The following EPB42 variants were observed in gnomAD, a reference collection of about 807,000 sequenced individuals.
The protein encoded by EPB42 is protein 4.2.
A neutral mutation model predicts 76.9 loss-of-function variants in EPB42; 49 were observed. The ratio of observed to expected loss-of-function variants is 0.64; its 90% confidence interval spans 0.51 to 0.81. The LOEUF (loss-of-function observed/expected upper bound fraction) is 0.81, where lower values mean the gene tolerates loss of function less well. Among genes scored for constraint, EPB42 ranks in the 30% least tolerant of loss-of-function variants. EPB42 has a pLI of 0.00. For missense variants in EPB42, 731 were observed against 867.6 expected (o/e 0.84, Z 1.98); for synonymous variants, 310 against 338.4 (o/e 0.92, Z 0.92).
chr15:43,220,650 C>T (rs1370468422), intron 1 of EPB42, 166 bp downstream of exon 1: 2 of 263,236 alleles, frequency 7.6e-6, no homozygotes, highest in South Asian at 5.6e-5. Context: ...ACCTACCACA[C>T]CCCCCCCCCA....
chr15:43,218,427 C>G (rs940142342), intron 1 of EPB42, among the ~76,000 whole-genome samples: 1 of 152,226 alleles, frequency 6.6e-6, no homozygotes, highest in African/African-American at 2.4e-5. Flanking sequence ...AGGCACCCAC[C>G]TCTGTAGCCT....
At position 43,207,229 on chromosome 15, in the gene EPB42, C is replaced by T. The variant is rs374417752; in HGVS notation, c.1288G>A (p.Asp430Asn). 155 of 1,614,062 alleles carry T rather than the reference C, an allele frequency of 9.6e-5. No homozygotes were observed. Among genetic ancestry groups the T allele is most frequent in the Non-Finnish European group, 1.2e-4 (136 of 1,180,042 alleles). Reference protein sequence around the residue: ...TKGVGSDRCEDITQNYKYPEG... With the variant: ...TKGVGSDRCENITQNYKYPEG... The stretch of plus-strand genomic sequence containing the variant: ...GGATACTTGTAGTTCTGAGTGATGT[C>T]CTCGCAGCGGTCACTGCCCACACCC... Residue 430 changes from aspartate (D) to asparagine (N), a missense_variant, in exon 9 of 13, where the codon GAC (aspartate) becomes AAC (asparagine). Transcript: ENST00000441366.
At chr15:43,211,569 G>A in intron 3 of EPB42, 35 bp from the exon 4 acceptor site, 1 of 1,398,738 alleles carries the variant, frequency 7.1e-7, no homozygotes, top group Non-Finnish European at 1.0e-6. Flanking sequence ...GGGCCTGTGG[G>A]GGTCCTAGGT....
intron 1 of EPB42, among the ~76,000 whole-genome samples, chr15:43,219,235 G>A (rs2042422875): frequency 1.3e-5 from 2 of 152,188 alleles, no homozygotes; most frequent in Non-Finnish European, 2.9e-5. Flanking sequence ...CCAGCACAGA[G>A]ATACAGGAGA....
intron 2 of EPB42, 137 bp from the exon 3 acceptor site, chr15:43,215,465 G>A: frequency 1.1e-6 from 1 of 876,106 alleles, no homozygotes; most frequent in South Asian, 1.4e-5. Flanking sequence ...CTAGAAATGA[G>A]GCCCATCAAG....
rs552637754 is a variant in EPB42 at position 43,203,263 on chromosome 15, G to T, written c.1631C>A (p.Thr544Asn). The T allele has an allele frequency of 4.3e-6, 7 of 1,614,162 alleles. No individual in the cohort carries two copies. The highest frequency in any genetic ancestry group is 5.9e-6 in the Non-Finnish European group (7 of 1,180,034). ...AAAATTGGAGAAGAACAGGCCGATG[G>T]TTATTATCTTTTCTGAAACACATGA... ...TLSANLEKII[T>N]IGLFFSNFER... The change falls in exon 11 of 13, where the codon ACC becomes AAC. Residue 544 changes from threonine to asparagine, a missense_variant. Transcript: ENST00000441366.
intron 11 of EPB42, among the ~76,000 whole-genome samples, chr15:43,202,357 A>T (rs1309438410): frequency 6.6e-6 from 1 of 151,348 alleles, no homozygotes; most frequent in Non-Finnish European, 1.5e-5. Context: ...TCCCCAGCAC[A>T]CGCCTCACGC....
At position 43,211,434 on chromosome 15, in the gene EPB42, C is replaced by A; in HGVS notation, c.531G>T (p.Glu177Asp). 6.2e-7 allele frequency: 1 copy of A among 1,612,758 alleles called. No individual in the cohort carries two copies. Among genetic ancestry groups the A allele is most frequent in the African/African-American group, 1.3e-5 (1 of 75,036 alleles). The change falls in exon 4 of 13, where the codon GAG (glutamate) becomes GAT (aspartate). Residue 177 changes from glutamate to aspartate, a missense_variant. Transcript: ENST00000441366. The part of the protein sequence containing the change: ...YLGTADCIQA[E>D]SWDFGQFEGD... Reference sequence around the variant, plus strand: ...CTGGTACCTGGCCAAAGTCCCAGGACTCTGCCTGGATGCAGTCAGCTGTAC... The same window carrying A: ...CTGGTACCTGGCCAAAGTCCCAGGAATCTGCCTGGATGCAGTCAGCTGTAC...
At position 43,211,425 on chromosome 15, in the gene EPB42, G is replaced by A. The variant is rs757340263; in HGVS notation, c.540C>T (p.Asp180=). 1 of 1,610,612 alleles carries A rather than the reference G, an allele frequency of 6.2e-7. No homozygotes were observed. The highest frequency in any genetic ancestry group is 2.2e-5 in the East Asian group (1 of 44,858). ...TAGAGGGCCCTGGTACCTGGCCAAAGTCCCAGGACTCTGCCTGGATGCAGT... is the reference window on the plus strand; with the variant it reads ...TAGAGGGCCCTGGTACCTGGCCAAAATCCCAGGACTCTGCCTGGATGCAGT... ...TADCIQAESW[D]FGQFEGDVID... is the part of the protein sequence containing the mutation. The change falls in exon 4 of 13, where the codon GAC becomes GAT. Residue 180 remains aspartate, a synonymous_variant. Coordinates refer to ENST00000441366, the MANE Select transcript of EPB42 (RefSeq NM_001114134.2).
At chr15:43,224,608 G>A (rs2042491278), upstream of EPB42, among the ~76,000 whole-genome samples, 1 of 151,974 alleles carries the variant, frequency 6.6e-6, no homozygotes, top group East Asian at 1.9e-4. Flanking sequence ...GTATATTCAA[G>A]GCATTGATAT....
At chr15:43,214,807 C>T (rs1339090306) in intron 3 of EPB42, among the ~76,000 whole-genome samples, 1 of 152,186 alleles carries the variant, frequency 6.6e-6, no homozygotes, top group Non-Finnish European at 1.5e-5. Flanking sequence ...GTCTCAACTC[C>T]TGTGACCAAA....
Position 43,211,482 on chromosome 15 carries a change from G to T in EPB42, c.483C>A (p.Asn161Lys). ...TACCCAGGTAGATGAGACCATTCTGGTTCAACAAGTACTCCATGCGCTGAG... is the reference window on the plus strand; with the variant it reads ...TACCCAGGTAGATGAGACCATTCTGTTTCAACAAGTACTCCATGCGCTGAG... The part of the protein sequence containing the change: ...NEAQRMEYLL[N>K]QNGLIYLGTA... The change falls in exon 4 of 13, where the codon AAC (asparagine) becomes AAA (lysine). Residue 161 changes from asparagine to lysine, a missense_variant. Physicochemically the swap from Asn to Lys is moderately conservative, Grantham distance 94 (BLOSUM62 0). Transcript: ENST00000441366. 2 of 1,614,136 alleles carry T rather than the reference G, an allele frequency of 1.2e-6. No individual in the cohort carries two copies. Among genetic ancestry groups the T allele is most frequent in the East Asian group, 2.2e-5 (1 of 44,882 alleles).
At chr15:43,219,598 A>G (rs2042427870) in intron 1 of EPB42, among the ~76,000 whole-genome samples, 1 of 152,198 alleles carries the variant, frequency 6.6e-6, no homozygotes. Context: ...ATCTCCTGAT[A>G]TCTTTGTGTT....
At chr15:43,203,077 G>A in intron 11 of EPB42, 38 bp downstream of exon 11, 1 of 1,613,064 alleles carries the variant, frequency 6.2e-7, no homozygotes, top group Middle Eastern at 1.8e-4. Context: ...CCTGAGTGGT[G>A]GCAGACGAGG....
intron 3 of EPB42, among the ~76,000 whole-genome samples, chr15:43,212,448 T>C (rs1410887514): frequency 1.3e-5 from 2 of 149,632 alleles, no homozygotes; most frequent in East Asian, 3.9e-4. Flanking sequence ...CGTCCCTGGA[T>C]AAATTGGCAA....
intron 5 of EPB42, 73 bp downstream of exon 5, chr15:43,210,262 G>A (rs1567278332): frequency 7.4e-7 from 1 of 1,347,562 alleles, no homozygotes; most frequent in Non-Finnish European, 1.1e-6. Context: ...TGAGGCCACG[G>A]TGGTGGGGCA....
upstream of EPB42, among the ~76,000 whole-genome samples, chr15:43,221,865 T>C (rs2042464418): frequency 6.7e-6 from 1 of 148,788 alleles, no homozygotes; most frequent in Non-Finnish European, 1.5e-5. Flanking sequence ...TGCCTTTCAC[T>C]AGCGCAGTGG....
intron 3 of EPB42, 30 bp downstream of exon 3, chr15:43,215,065 C>T: frequency 6.3e-7 from 1 of 1,591,998 alleles, no homozygotes; most frequent in Non-Finnish European, 8.6e-7. Context: ...AGTCTCCATG[C>T]AGCCCAGGCT....
At chr15:43,218,918 G>A (rs1003643516) in intron 1 of EPB42, among the ~76,000 whole-genome samples, 3 of 152,212 alleles carry the variant, frequency 2.0e-5, no homozygotes, top group Non-Finnish European at 2.9e-5. Context: ...CACAGCCCAT[G>A]AGAAGTTGTG....
Sources: allele counts gnomAD v4.1 joint callset (sites outside exome capture counted in the v4.1 genomes callset), GRCh38; gene constraint gnomAD v4.1.1; transcripts MANE v1.5; gene names NCBI Gene and HGNC (gene_info 2026-07-23, HGNC 2026-07-21).